Variants in RARB observed in about 807,000 individuals in gnomAD.
RARB encodes the protein HBV-activated protein.
Under a neutral mutation model 51.9 loss-of-function variants are expected in RARB, and 17 were observed. The ratio of observed to expected loss-of-function variants is 0.33; its 90% confidence interval spans 0.22 to 0.49. The LOEUF (loss-of-function observed/expected upper bound fraction) is 0.49. Ranked by LOEUF, RARB falls within the 20% of genes least tolerant of loss-of-function variation. RARB has a pLI of 0.99. For synonymous variants in RARB, 215 were observed against 195.4 expected, an observed-to-expected ratio of 1.10 and a Z score of -0.84; for missense variants, 369 against 550.8, an observed-to-expected ratio of 0.67 and a Z score of 3.30.
chr3:25,193,793 C>T (rs1026555091), intron 5 of RARB, among the ~76,000 whole-genome samples: 4 of 151,770 alleles, frequency 2.6e-5, no homozygotes, highest in Non-Finnish European at 5.9e-5. Context: ...GAAATGGAGG[C>T]AACTATATAA....
chr3:25,264,284 C>G (rs1703075317), intron 5 of RARB, among the ~76,000 whole-genome samples: 1 of 152,146 alleles, frequency 6.6e-6, no homozygotes. Flanking sequence ...ACCGTCATCC[C>G]AGTATGCCTT....
chr3:25,524,988 C>T (rs148912914), intron 3 of RARB, among the ~76,000 whole-genome samples: 42 of 152,112 alleles, frequency 2.8e-4, no homozygotes, highest in African/African-American at 9.6e-4. Flanking sequence ...CTCAGCCTCC[C>T]AAAGTGCTGG....
rs571519037 is a variant in RARB, at chr3:24,905,652, C to T, written c.-380+46900C>T. ...ATTGCCTTTCTTTCCTTCTTCCCAC[C>T]TGCTTAAAGAAGCCTGGAGGTGCAG... is the stretch of plus-strand genomic sequence containing the variant. On this transcript the variant is annotated intron_variant, in intron 2 of 11. Transcript: ENST00000383772. 3.3e-5 allele frequency among the ~76,000 whole-genome samples: 5 copies of T among 152,288 alleles called. No individual in the cohort carries two copies. In the East Asian group the frequency reaches 9.6e-4, roughly 29 times the overall value.
intron 5 of RARB, among the ~76,000 whole-genome samples, chr3:25,337,646 C>T (rs554071005): frequency 6.4e-4 from 98 of 152,252 alleles, no homozygotes; most frequent in Non-Finnish European, 8.4e-4. Context: ...TCAATTACTT[C>T]TTCAGACACC....
intron 2 of RARB, among the ~76,000 whole-genome samples, chr3:24,867,354 G>A (rs547803069): frequency 6.6e-6 from 1 of 152,238 alleles, no homozygotes; most frequent in Admixed American, 6.6e-5. Context: ...CAAGATGGGA[G>A]TTGGTTAAAT....
chr3:25,032,974 C>G (rs1035719886), intron 2 of RARB, among the ~76,000 whole-genome samples: 1 of 152,170 alleles, frequency 6.6e-6, no homozygotes, highest in South Asian at 2.1e-4. Flanking sequence ...AAACCCATTA[C>G]AGTCAAATTG....
At chr3:24,868,785 C>A (rs1187843240) in intron 2 of RARB, among the ~76,000 whole-genome samples, 1 of 152,168 alleles carries the variant, frequency 6.6e-6, no homozygotes, top group East Asian at 1.9e-4. Flanking sequence ...TAGACAATAA[C>A]TTTTTGAATC....
At chr3:25,144,840 A>G (rs1700162884) in intron 4 of RARB, among the ~76,000 whole-genome samples, 1 of 152,242 alleles carries the variant, frequency 6.6e-6, no homozygotes, top group African/African-American at 2.4e-5. Flanking sequence ...TACATTCTTC[A>G]ATAAATGAAC....
chr3:25,331,338 G>A (rs1021294766), intron 5 of RARB, among the ~76,000 whole-genome samples: 3 of 152,210 alleles, frequency 2.0e-5, no homozygotes, highest in Admixed American at 1.3e-4. Context: ...TCAGACCACA[G>A]TGCAATCAAA....
chr3:25,161,200 ATT>A (rs1273695374), intron 4 of RARB, among the ~76,000 whole-genome samples: 1,778 of 148,966 alleles, frequency 0.012, 33 homozygotes, highest in African/African-American at 0.039. Flanking sequence ...TATTATTATT[ATT>A]ATTATTATTA....
chr3:25,474,307 C>T (rs528000197), intron 2 of RARB, among the ~76,000 whole-genome samples: 6 of 152,252 alleles, frequency 3.9e-5, no homozygotes, highest in East Asian at 1.9e-4. Context: ...CTGTATTGTA[C>T]TCAAATTGTA....
Position 24,916,496 on chromosome 3 carries a change from A to G in RARB, c.-380+57744A>G, listed in dbSNP as rs1443909510. On this transcript the variant is annotated intron_variant, in intron 2 of 11. Transcript: ENST00000383772. ...AGAATGAAAGCCCGCATTGGTTATT[A>G]CCTACTCCCTCTAGGTATATTGAAG... is the stretch of plus-strand genomic sequence containing the variant. Among the ~76,000 whole-genome samples the G allele has an allele frequency of 2.0e-5, 3 of 152,110 alleles. No homozygotes were observed. The South Asian group carries it at 6.2e-4, about 32-fold the overall frequency.
chr3:25,213,528 T>G (rs1247663581), intron 5 of RARB, among the ~76,000 whole-genome samples: 2 of 152,236 alleles, frequency 1.3e-5, no homozygotes, highest in Non-Finnish European at 2.9e-5. Flanking sequence ...CTGAGCATCC[T>G]TGTACATGTC....
intron 2 of RARB, among the ~76,000 whole-genome samples, chr3:25,468,099 G>A (rs1695520081): frequency 1.3e-5 from 2 of 152,176 alleles, no homozygotes; most frequent in Admixed American, 6.5e-5. Context: ...CCAAACACTT[G>A]GATTCTCGGA....
At chr3:24,862,579 C>T (rs934412217) in intron 2 of RARB, among the ~76,000 whole-genome samples, 1 of 152,212 alleles carries the variant, frequency 6.6e-6, no homozygotes, top group African/African-American at 2.4e-5. Context: ...GAATCTTCCT[C>T]TGTCTAGCGT....
intron 2 of RARB, among the ~76,000 whole-genome samples, chr3:25,012,709 A>G (rs1276468829): frequency 6.6e-6 from 1 of 152,126 alleles, no homozygotes; most frequent in African/African-American, 2.4e-5. Flanking sequence ...AAAATGAGAC[A>G]CCTTATCTTA....
chr3:25,491,801 T>G (rs1286649), intron 2 of RARB, among the ~76,000 whole-genome samples: 1 of 152,060 alleles, frequency 6.6e-6, no homozygotes. Flanking sequence ...ATTAGCCAGG[T>G]GTGGTGGCAG....
At chr3:25,360,967 C>CTTT (rs1005723563) in intron 5 of RARB, among the ~76,000 whole-genome samples, 4 of 152,102 alleles carry the variant, frequency 2.6e-5, no homozygotes, top group African/African-American at 4.8e-5. Flanking sequence ...TGGAGTTGCT[C>CTTT]TTCTCAAGGA....
intron 3 of RARB, among the ~76,000 whole-genome samples, chr3:25,507,433 T>C (rs1199414076): frequency 6.6e-6 from 1 of 152,220 alleles, no homozygotes; most frequent in African/African-American, 2.4e-5. Context: ...GTTTTCTACC[T>C]GGATGAGAGA....
Sources: gnomAD v4.1 joint callset for allele counts (sites outside exome capture counted in the v4.1 genomes callset) on GRCh38, gnomAD v4.1.1 for gene constraint, MANE v1.5 for transcripts, NCBI Gene and HGNC (gene_info 2026-07-23, HGNC 2026-07-21) for gene names.